PARP4: variants seen among roughly 807,000 people sequenced by gnomAD.
The protein encoded by PARP4 is protein mono-ADP-ribosyltransferase PARP4.
PARP4 carries 120 observed loss-of-function variants against 187.7 expected under a neutral mutation model. The ratio of observed to expected loss-of-function variants is 0.64; its 90% CI spans 0.55 to 0.74. The LOEUF (loss-of-function observed/expected upper bound fraction) is 0.74. Ranked by LOEUF, PARP4 falls within the 30% of genes least tolerant of loss-of-function variation. The pLI is 0.00. For synonymous variants in PARP4, 654 were observed against 740.9 expected, an observed-to-expected ratio of 0.88 and a Z score of 1.90; for missense variants, 1,836 against 2,070.5, an observed-to-expected ratio of 0.89 and a Z score of 2.20.
At chr13:24,464,635 C>CA (rs1187462834) in intron 17 of PARP4, among the ~76,000 whole-genome samples, 10 of 152,062 alleles carry the variant, frequency 6.6e-5, no homozygotes, top group Non-Finnish European at 7.4e-5. Flanking sequence ...TAAACTTACA[C>CA]AAAAAATAAC....
chr13:24,494,142 A>G (rs553563525), intron 7 of PARP4, among the ~76,000 whole-genome samples: 3 of 152,068 alleles, frequency 2.0e-5, no homozygotes, highest in Admixed American at 6.6e-5. Flanking sequence ...CTCAACTTCC[A>G]TGCCTTTCTA....
intron 27 of PARP4, 71 bp from the exon 28 acceptor site, chr13:24,443,801 T>C: frequency 9.4e-7 from 1 of 1,060,776 alleles, no homozygotes; most frequent in Admixed American, 1.8e-5. Context: ...AGAACATCAT[T>C]TTAAAAATGG....
intron 17 of PARP4, among the ~76,000 whole-genome samples, chr13:24,466,972 G>C (rs2137494774): frequency 6.6e-6 from 1 of 152,178 alleles, no homozygotes; most frequent in East Asian, 1.9e-4. Context: ...ATCAATAATT[G>C]TATTAAATAA....
In PARP4 at chr13:24,482,857, C is replaced by A. The variant is rs146854294; in HGVS notation, c.1448+1796G>T. 1.6e-4 allele frequency among the ~76,000 whole-genome samples: 24 copies of A among 152,234 alleles called. No homozygotes were observed. In the East Asian group the frequency reaches 4.1e-3, roughly 26 times the overall value. ...CTAATAACTTTTCATCCACTAAGGTCCTAAGGCTCATCCATTTGACATGTG... is the reference window on the plus strand; with the variant it reads ...CTAATAACTTTTCATCCACTAAGGTACTAAGGCTCATCCATTTGACATGTG... On this transcript the variant is annotated intron_variant, in intron 12 of 33. Coordinates refer to ENST00000381989, the MANE Select transcript of PARP4 (RefSeq NM_006437.4).
intron 6 of PARP4, among the ~76,000 whole-genome samples, chr13:24,496,036 C>G (rs932585771): frequency 6.6e-6 from 1 of 151,694 alleles, no homozygotes; most frequent in African/African-American, 2.4e-5. Flanking sequence ...CTGGCCTACA[C>G]GATGCTACGG....
chr13:24,509,959 C>A (rs1466205698), intron 1 of PARP4, among the ~76,000 whole-genome samples: 1 of 152,086 alleles, frequency 6.6e-6, no homozygotes, highest in Admixed American at 6.6e-5. Flanking sequence ...CTCTGCCTCC[C>A]AAAGTGCTAG....
Position 24,435,114 on chromosome 13 carries a change from A to C in PARP4, c.4027T>G (p.Ser1343Ala). The change falls in exon 31 of 34, where the codon TCA becomes GCA. Residue 1343 changes from serine to alanine, a missense_variant. Ser to Ala is a moderately conservative substitution (Grantham distance 99). Around this residue, in one of 8 missense-constraint regions of PARP4, gnomAD observed 450 missense variants for 439.2 expected, o/e 1.02. Coordinates refer to ENST00000381989, the MANE Select transcript of PARP4 (RefSeq NM_006437.4). ...CCGAAACTAGCTACCTGACGATATG[A>C]GGCAAAAGACAAGGAAGCAGGACTG... ...AHSPASLSFA[S>A]YRQVASFGSA... The C allele has an allele frequency of 6.2e-7, 1 of 1,614,218 alleles. No homozygotes were observed.
chr13:24,480,030 C>T (rs6490942), intron 12 of PARP4, among the ~76,000 whole-genome samples: 14,767 of 151,878 alleles, frequency 0.097, 851 homozygotes, highest in East Asian at 0.27. Flanking sequence ...AGCGAGACCA[C>T]GAACCCACCA....
chr13:24,493,860 G>A, intron 7 of PARP4, 127 bp from the exon 8 acceptor site: 2 of 836,490 alleles, frequency 2.4e-6, no homozygotes, highest in South Asian at 3.1e-5. Flanking sequence ...GTCATCCCCA[G>A]CCAGGTAACT....
intron 24 of PARP4, among the ~76,000 whole-genome samples, chr13:24,450,727 CACTT>C (rs1209921939): frequency 2.0e-5 from 3 of 152,146 alleles, no homozygotes; most frequent in Non-Finnish European, 2.9e-5. Context: ...GAGGGAGAAA[CACTT>C]AGAAAGATCC....
At chr13:24,491,005 G>A (rs945826110) in intron 9 of PARP4, among the ~76,000 whole-genome samples, 177 bp from the exon 10 acceptor site, 1 of 152,126 alleles carries the variant, frequency 6.6e-6, no homozygotes, top group African/African-American at 2.4e-5. Flanking sequence ...GTAGTGGCAT[G>A]ACCATAGCTC....
chr13:24,462,113 A>G (rs191545336), intron 17 of PARP4, among the ~76,000 whole-genome samples: 1 of 152,290 alleles, frequency 6.6e-6, no homozygotes, highest in Non-Finnish European at 1.5e-5. Context: ...CCTGCCTAAG[A>G]CTGAGGCTGA....
intron 1 of PARP4, among the ~76,000 whole-genome samples, chr13:24,507,288 G>A (rs537931896): frequency 4.6e-5 from 7 of 152,332 alleles, no homozygotes; most frequent in South Asian, 4.1e-4. Flanking sequence ...AGTGGGCGCC[G>A]AGAGCCAGCG....
intron 23 of PARP4, among the ~76,000 whole-genome samples, chr13:24,452,966 G>A (rs954015198): frequency 6.6e-6 from 1 of 151,562 alleles, no homozygotes; most frequent in Non-Finnish European, 1.5e-5. Flanking sequence ...ATGGAGTCTC[G>A]CTCCATTGCC....
chr13:24,505,542 C>T (rs1360752128), intron 1 of PARP4, among the ~76,000 whole-genome samples: 1 of 120,274 alleles, frequency 8.3e-6, no homozygotes, highest in East Asian at 1.9e-4. Flanking sequence ...ACCGCCTAAA[C>T]CCCCCAGAAA....
intron 9 of PARP4, 33 bp from the exon 10 acceptor site, chr13:24,490,861 TCAC>T (rs760370093): frequency 2.6e-6 from 4 of 1,545,202 alleles, no homozygotes; most frequent in South Asian, 2.3e-5. Flanking sequence ...GATGTCAGAA[TCAC>T]CACATATCAA....
intron 22 of PARP4, among the ~76,000 whole-genome samples, chr13:24,454,423 A>C (rs1007689088): frequency 7.9e-5 from 12 of 151,648 alleles, no homozygotes; most frequent in African/African-American, 2.9e-4. Flanking sequence ...CCCTCACTCC[A>C]CTCCACGCAC....
chr13:24,457,627 T>TG (rs1871936128), intron 20 of PARP4, among the ~76,000 whole-genome samples: 1 of 151,506 alleles, frequency 6.6e-6, no homozygotes. Flanking sequence ...AAAATTTAGC[T>TG]GGGCGTGGTG....
intron 12 of PARP4, among the ~76,000 whole-genome samples, chr13:24,481,566 G>A (rs1309518234): frequency 2.6e-5 from 4 of 152,122 alleles, no homozygotes; most frequent in East Asian, 1.9e-4. Flanking sequence ...GGTGGCATGC[G>A]CCTGTAATCC....
Sources: gnomAD v4.1 joint callset for allele counts (sites outside exome capture counted in the v4.1 genomes callset) on GRCh38, gnomAD v4.1.1 for gene constraint, gnomAD v4.1.1 regional missense constraint, MANE v1.5 for transcripts, NCBI Gene and HGNC (gene_info 2026-07-23, HGNC 2026-07-21) for gene names.